KCNIP4: variants seen among roughly 807,000 people sequenced by gnomAD.
KCNIP4 encodes the protein Kv channel-interacting protein 4.
In KCNIP4, 12 loss-of-function variants were observed where a neutral mutation model predicts 34.0. The ratio of observed to expected loss-of-function variants is 0.35; its 90% CI spans 0.23 to 0.57. KCNIP4 has a LOEUF of 0.57. KCNIP4 is among the 20% of genes least tolerant of loss of function. KCNIP4 has a pLI of 0.83. For synonymous variants in KCNIP4, 124 were observed against 102.2 expected (o/e 1.21, Z -1.29); for missense variants, 238 against 311.7 (o/e 0.76, Z 1.78).
intron 1 of KCNIP4, among the ~76,000 whole-genome samples, chr4:20,922,584 T>TCTATCTAC (rs1729515840): frequency 6.6e-6 from 1 of 151,188 alleles, no homozygotes; most frequent in Non-Finnish European, 1.5e-5. Flanking sequence ...TATCTATCTA[T>TCTATCTAC]CTCCTATTGG....
chr4:21,640,269 C>A (rs1427413790), intron 1 of KCNIP4, among the ~76,000 whole-genome samples: 1 of 152,140 alleles, frequency 6.6e-6, no homozygotes, highest in Non-Finnish European at 1.5e-5. Flanking sequence ...CCCCTGCCAC[C>A]CCAGGATTCA....
Position 21,528,869 on chromosome 4 carries a change from AAGG to A in KCNIP4, c.61+419699_61+419701del, listed in dbSNP as rs1560490776. On this transcript the variant is annotated intron_variant, in intron 1 of 8. Coordinates refer to ENST00000382152, the MANE Select transcript of KCNIP4 (RefSeq NM_025221.6). Reference sequence around the variant, plus strand: ...GAAGGAAGGAAGGAAGGAAGGAAGGAAGGGAAATTCAATTTTGGGGGTTGTGGC... The same window carrying A: ...GAAGGAAGGAAGGAAGGAAGGAAGGAGAAATTCAATTTTGGGGGTTGTGGC... 6.2e-5 allele frequency among the ~76,000 whole-genome samples: 9 copies of A among 145,058 alleles called. 1 individual carries two copies. The highest frequency in any genetic ancestry group is 1.0e-4 in the African/African-American group (4 of 38,416).
At chr4:21,535,888 C>A (rs1472958740) in intron 1 of KCNIP4, among the ~76,000 whole-genome samples, 1 of 152,048 alleles carries the variant, frequency 6.6e-6, no homozygotes, top group Admixed American at 6.6e-5. Flanking sequence ...AATTCCTGGG[C>A]CCTACTCCAT....
rs553017975 is a variant in KCNIP4, at chr4:21,872,527, C to T, written c.61+76044G>A. Among the ~76,000 whole-genome samples the T allele has an allele frequency of 1.6e-3, 244 of 152,176 alleles. 1 individual carries two copies. The highest frequency in any genetic ancestry group is 5.7e-3 in the African/African-American group (236 of 41,504). ...GAAGTACAGAATCGTGACCCAAAGGCTAGTGATCCAAAAACGAGATTTTTA... is the reference window on the plus strand; with the variant it reads ...GAAGTACAGAATCGTGACCCAAAGGTTAGTGATCCAAAAACGAGATTTTTA... On this transcript the variant is annotated intron_variant, in intron 1 of 8. Transcript: ENST00000382152.
intron 1 of KCNIP4, among the ~76,000 whole-genome samples, chr4:21,131,558 C>A (rs1751074529): frequency 6.6e-6 from 1 of 151,930 alleles, no homozygotes; most frequent in Non-Finnish European, 1.5e-5. Context: ...TGCAGTGAGC[C>A]GAGATTGCAC....
chr4:21,447,012 A>G (rs1243500398), intron 1 of KCNIP4, among the ~76,000 whole-genome samples: 1 of 151,914 alleles, frequency 6.6e-6, no homozygotes, highest in East Asian at 1.9e-4. Flanking sequence ...AAAAAAAAAG[A>G]AAAAGAGACT....
At chr4:20,812,907 G>A (rs577526850) in intron 3 of KCNIP4, among the ~76,000 whole-genome samples, 24 of 151,028 alleles carry the variant, frequency 1.6e-4, no homozygotes, top group South Asian at 2.1e-4. Context: ...CTGGGACTGC[G>A]TACCTCCAAT....
At chr4:20,889,008 T>TA (rs550390480) in intron 1 of KCNIP4, among the ~76,000 whole-genome samples, 73 of 152,286 alleles carry the variant, frequency 4.8e-4, no homozygotes, top group Non-Finnish European at 8.2e-4. Context: ...GTGTAACAGG[T>TA]AAAATTAATC....
intron 1 of KCNIP4, among the ~76,000 whole-genome samples, chr4:21,556,987 T>TA (rs1266916808): frequency 7.0e-6 from 1 of 143,042 alleles, no homozygotes; most frequent in Non-Finnish European, 1.5e-5. Flanking sequence ...TAAAGCTATA[T>TA]AAAAATGTTG....
intron 1 of KCNIP4, among the ~76,000 whole-genome samples, chr4:20,948,432 G>C (rs1037049730): frequency 1.3e-5 from 2 of 152,206 alleles, no homozygotes; most frequent in Non-Finnish European, 1.5e-5. Flanking sequence ...CATTGCCTCT[G>C]CTCCTATCTT....
At chr4:21,075,958 T>C (rs968981191) in intron 1 of KCNIP4, among the ~76,000 whole-genome samples, 1 of 152,178 alleles carries the variant, frequency 6.6e-6, no homozygotes, top group African/African-American at 2.4e-5. Context: ...GAATGTTGAA[T>C]ACTGGCCCCC....
intron 1 of KCNIP4, among the ~76,000 whole-genome samples, chr4:21,370,882 C>CATGT (rs367553482): frequency 2.5e-5 from 1 of 39,366 alleles, no homozygotes; most frequent in Admixed American, 2.5e-4. Context: ...CACACACACA[C>CATGT]GTGTGTGTGT....
intron 1 of KCNIP4, among the ~76,000 whole-genome samples, chr4:21,633,764 G>T (rs1745924391): frequency 1.3e-5 from 2 of 151,690 alleles, no homozygotes. Flanking sequence ...TTTAAACTGA[G>T]AAATTATTAA....
chr4:21,230,408 C>T (rs1182726221), intron 1 of KCNIP4, among the ~76,000 whole-genome samples: 1 of 152,102 alleles, frequency 6.6e-6, no homozygotes, highest in Non-Finnish European at 1.5e-5. Context: ...CATAGGTAAA[C>T]GTGTGCAAGA....
chr4:21,432,109 T>C (rs1262846285), intron 1 of KCNIP4, among the ~76,000 whole-genome samples: 1 of 101,674 alleles, frequency 9.8e-6, no homozygotes, highest in African/African-American at 4.4e-5. Context: ...TATATATATA[T>C]ATATATATAT....
intron 1 of KCNIP4, among the ~76,000 whole-genome samples, chr4:21,373,507 G>A (rs988682534): frequency 1.4e-5 from 2 of 146,630 alleles, no homozygotes; most frequent in South Asian, 4.2e-4. Context: ...TTTTCTTTTG[G>A]TAATAGCAGT....
intron 1 of KCNIP4, among the ~76,000 whole-genome samples, chr4:21,070,507 T>C (rs910154208): frequency 7.2e-5 from 11 of 152,006 alleles, no homozygotes; most frequent in Non-Finnish European, 4.4e-5. Flanking sequence ...TGATATCTCA[T>C]TGTCATCTTA....
chr4:21,241,979 C>T (rs1476950538), intron 1 of KCNIP4, among the ~76,000 whole-genome samples: 1 of 151,594 alleles, frequency 6.6e-6, no homozygotes, highest in Non-Finnish European at 1.5e-5. Context: ...CTGGCTAACA[C>T]GGTGAAAACC....
At chr4:20,987,091 A>G (rs967579202) in intron 1 of KCNIP4, among the ~76,000 whole-genome samples, 1 of 152,160 alleles carries the variant, frequency 6.6e-6, no homozygotes, top group African/African-American at 2.4e-5. Context: ...AGCAGGGGAC[A>G]TCTGGGGAAT....
Sources: gnomAD v4.1 joint callset for allele counts (sites outside exome capture counted in the v4.1 genomes callset) on GRCh38, gnomAD v4.1.1 for gene constraint, MANE v1.5 for transcripts, NCBI Gene and HGNC (gene_info 2026-07-23, HGNC 2026-07-21) for gene names.